CCDC85C: variants seen among roughly 807,000 people sequenced by gnomAD.
The protein encoded by CCDC85C is coiled-coil domain-containing protein 85C.
Under a neutral mutation model 38.3 loss-of-function variants are expected in CCDC85C, and 18 were observed. The observed-to-expected ratio is 0.47, with a 90% CI of 0.33 to 0.70. The LOEUF (loss-of-function observed/expected upper bound fraction) is 0.70. Among genes scored for constraint, CCDC85C ranks in the 30% least tolerant of loss-of-function variants. CCDC85C has a pLI of 0.03. For synonymous variants in CCDC85C, 264 were observed against 293.8 expected (o/e 0.90, Z 1.04); for missense variants, 566 against 621.2 (o/e 0.91, Z 0.94).
chr14:99,547,296 T>C (rs1355420329), intron 1 of CCDC85C, among the ~76,000 whole-genome samples: 2 of 152,216 alleles, frequency 1.3e-5, no homozygotes, highest in African/African-American at 2.4e-5. Flanking sequence ...TTTCCATTTA[T>C]ATAAAATCTC....
rs1897238443 is a variant in CCDC85C, at chr14:99,517,116, T to C, written c.1043A>G (p.Lys348Arg). Residue 348 changes from lysine to arginine, a missense_variant, in exon 4 of 6, where the codon AAG becomes AGG. Physicochemically the swap from Lys to Arg is conservative, Grantham distance 26. Transcript: ENST00000380243. ...CATGGCATGCACGACAGCCTCGGGC[T>C]TCTGTCCTGCAGGGCTGTAGCCAGC... is the stretch of plus-strand genomic sequence containing the variant. Reference protein sequence around the residue: ...PSAGYSPAGQKPEAVVHAMKV... With the variant: ...PSAGYSPAGQRPEAVVHAMKV... 2 of 1,550,486 alleles carry C rather than the reference T, an allele frequency of 1.3e-6. No individual in the cohort carries two copies. The highest frequency in any genetic ancestry group is 1.7e-6 in the Non-Finnish European group (2 of 1,146,920).
rs376815169 is a variant in CCDC85C, at chr14:99,504,451, AT to A, written c.*10794del. 1,135 of 136,880 alleles carry A rather than the reference AT, an allele frequency of 8.3e-3. 35 individuals are homozygous for A. Among genetic ancestry groups the A allele is most frequent in the Admixed American group, 0.058 (791 of 13,702 alleles). 8.5% of individuals were successfully genotyped at this position (136,880 alleles called of 1,614,324 possible). A position where few individuals can be genotyped will look rare whatever the true frequency, so the allele number is the denominator to read the frequency against. On this transcript the variant is annotated 3_prime_UTR_variant, in exon 6 of 6. Transcript: ENST00000380243. ...GGAATGATGAGTTCAGTACAGGTGA[AT>A]TTTTTTTTTTTTTTTGAGACAGAGT...
chr14:99,516,651 A>C lies in CCDC85C; in HGVS notation c.1072-365T>G, dbSNP rs1897230526. On this transcript the variant is annotated intron_variant, in intron 4 of 5. Coordinates refer to ENST00000380243, the MANE Select transcript of CCDC85C (RefSeq NM_001144995.2). The surrounding 1 kb of genome is among the most constrained non-coding windows in gnomAD (Gnocchi z 5.5). The stretch of plus-strand genomic sequence containing the variant: ...TGGCCGTGCATGCATGTGGGATGTC[A>C]TGGGGCACGTACGTAGGAGGAAGGG... Among the ~76,000 whole-genome samples, 1 of 152,020 alleles carries C rather than the reference A, an allele frequency of 6.6e-6. No homozygotes were observed. Among genetic ancestry groups the C allele is most frequent in the Admixed American group, 6.5e-5 (1 of 15,274 alleles).
Position 99,526,236 on chromosome 14 carries a change from C to T in CCDC85C, c.868-3996G>A, listed in dbSNP as rs181534007. Among the ~76,000 whole-genome samples, 20 of 152,258 alleles carry T rather than the reference C, an allele frequency of 1.3e-4. No homozygotes were observed. In the East Asian group the frequency reaches 1.7e-3, roughly 13 times the overall value. ...CCGCAGCTGAAGAGCTTGAAGGTGCCGTCTGCAGGGAGGGGCCTACATCCA... is the reference window on the plus strand; with the variant it reads ...CCGCAGCTGAAGAGCTTGAAGGTGCTGTCTGCAGGGAGGGGCCTACATCCA... On this transcript the variant is annotated intron_variant, in intron 2 of 5. Transcript: ENST00000380243.
chr14:99,531,579 T>TG (rs1897493320), intron 2 of CCDC85C, among the ~76,000 whole-genome samples: 1 of 28,248 alleles, frequency 3.5e-5, no homozygotes, highest in South Asian at 2.1e-3. Flanking sequence ...ATAGAGGCCA[T>TG]GGGTGGGGGG....
In CCDC85C at chr14:99,572,161, C is replaced by G. The variant is rs1898361940; in HGVS notation, c.793+31006G>C. ...TCCCAAGCCTGAGGGCTCAAATTCACAGGGTGGTGGTCCCTAGAAAGACCT... is the reference window on the plus strand; with the variant it reads ...TCCCAAGCCTGAGGGCTCAAATTCAGAGGGTGGTGGTCCCTAGAAAGACCT... On this transcript the variant is annotated intron_variant, in intron 1 of 5. Coordinates refer to ENST00000380243, the MANE Select transcript of CCDC85C (RefSeq NM_001144995.2). The surrounding 1 kb of genome is among the most constrained non-coding windows in gnomAD (Gnocchi z 4.4). Among the ~76,000 whole-genome samples the G allele has an allele frequency of 6.6e-6, 1 of 152,186 alleles. No individual in the cohort carries two copies. Among genetic ancestry groups the G allele is most frequent in the Admixed American group, 6.5e-5 (1 of 15,282 alleles).
intron 2 of CCDC85C, among the ~76,000 whole-genome samples, chr14:99,525,488 C>T (rs1056495342): frequency 2.0e-5 from 3 of 152,212 alleles, no homozygotes; most frequent in Admixed American, 6.5e-5. Context: ...AGGCAGGAAG[C>T]GCCTTTCTGG....
At position 99,572,634 on chromosome 14, in the gene CCDC85C, C is replaced by CT. The variant is rs1279384184; in HGVS notation, c.793+30532dup. 4 of 454,646 alleles carry CT rather than the reference C, an allele frequency of 8.8e-6. No individual in the cohort carries two copies. The highest frequency in any genetic ancestry group is 1.3e-5 in the Non-Finnish European group (3 of 225,942). 28.2% of individuals were successfully genotyped at this position (454,646 alleles called of 1,614,324 possible). On this transcript the variant is annotated intron_variant, in intron 1 of 5. Transcript: ENST00000380243. The surrounding 1 kb of genome is among the most constrained non-coding windows in gnomAD (Gnocchi z 4.4). ...GGAAACCTTCCAGGGACGACAGCTG[C>CT]TTATCATCCAAGCCCCAGGTGACCT...
At chr14:99,584,376 C>G (rs2055006022) in intron 1 of CCDC85C, among the ~76,000 whole-genome samples, 1 of 152,134 alleles carries the variant, frequency 6.6e-6, no homozygotes, top group Non-Finnish European at 1.5e-5. Flanking sequence ...GTCCAAGGAC[C>G]AGGTGAGATA....
At chr14:99,527,872 A>G (rs1443457101) in intron 2 of CCDC85C, among the ~76,000 whole-genome samples, 3 of 152,226 alleles carry the variant, frequency 2.0e-5, no homozygotes. Context: ...GATTAGCACC[A>G]GCCCTGCCGC....
intron 1 of CCDC85C, among the ~76,000 whole-genome samples, chr14:99,579,740 G>T (rs1026483293): frequency 6.6e-6 from 1 of 152,118 alleles, no homozygotes; most frequent in Non-Finnish European, 1.5e-5. Context: ...AGGGCAGCGG[G>T]GGAGAGGTCC....
chr14:99,601,617 G>A (rs996152208), intron 1 of CCDC85C, among the ~76,000 whole-genome samples: 3 of 152,112 alleles, frequency 2.0e-5, no homozygotes, highest in African/African-American at 7.2e-5. Context: ...CCAGATAACT[G>A]ACCCCTCAAA....
At chr14:99,601,298 C>T (rs1165725676) in intron 1 of CCDC85C, among the ~76,000 whole-genome samples, 1 of 152,180 alleles carries the variant, frequency 6.6e-6, no homozygotes, top group Admixed American at 6.5e-5. Flanking sequence ...CTGTGGGAAA[C>T]CCTATACTTC....
chr14:99,571,759 C>A (rs968046587), intron 1 of CCDC85C, among the ~76,000 whole-genome samples: 2 of 152,220 alleles, frequency 1.3e-5, no homozygotes, highest in Admixed American at 6.5e-5. Context: ...GGGCCTTTGC[C>A]AATGTAAATA....
At chr14:99,575,730 G>A (rs1898461359) in intron 1 of CCDC85C, among the ~76,000 whole-genome samples, 1 of 152,120 alleles carries the variant, frequency 6.6e-6, no homozygotes, top group Non-Finnish European at 1.5e-5. Flanking sequence ...GCTTCCACTG[G>A]CCTGCCCTGA....
intron 2 of CCDC85C, among the ~76,000 whole-genome samples, chr14:99,524,695 G>A (rs548431696): frequency 1.3e-5 from 2 of 152,348 alleles, no homozygotes; most frequent in African/African-American, 2.4e-5. Flanking sequence ...GAGACAGGTC[G>A]CTGCCTTTGC....
rs1228579683 is a variant in CCDC85C, at chr14:99,520,837, A to G, written c.975+1296T>C. Among the ~76,000 whole-genome samples the G allele has an allele frequency of 6.6e-6, 1 of 152,222 alleles. No homozygotes were observed. The highest frequency in any genetic ancestry group is 6.5e-5 in the Admixed American group (1 of 15,288). On this transcript the variant is annotated intron_variant, in intron 3 of 5. Coordinates refer to ENST00000380243, the MANE Select transcript of CCDC85C (RefSeq NM_001144995.2). The surrounding 1 kb of genome is among the most constrained non-coding windows in gnomAD (Gnocchi z 4.1). Reference sequence around the variant, plus strand: ...CTTCATGCACAGAGCAGTCTAGAGGAAAAAAGGAGGCAAGAGGAACAAACC... The same window carrying G: ...CTTCATGCACAGAGCAGTCTAGAGGGAAAAAGGAGGCAAGAGGAACAAACC...
At position 99,588,745 on chromosome 14, in the gene CCDC85C, C is replaced by A. The variant is rs1170273262; in HGVS notation, c.793+14422G>T. On this transcript the variant is annotated intron_variant, in intron 1 of 5. Transcript: ENST00000380243. This position sits in a 1 kb window ranked among gnomAD's most constrained non-coding sequence, Gnocchi z 5.0. ...ACCAGGCCACTGCAGGTCTTCAAAG[C>A]CCCAAGCAGCAGGAATACCCAAAAA... 2.0e-5 allele frequency among the ~76,000 whole-genome samples: 3 copies of A among 151,900 alleles called. No individual in the cohort carries two copies. Among genetic ancestry groups the A allele is most frequent in the South Asian group, 2.1e-4 (1 of 4,804 alleles).
Position 99,510,919 on chromosome 14 carries a change from G to A in CCDC85C, c.*4327C>T. On this transcript the variant is annotated 3_prime_UTR_variant, in exon 6 of 6. Coordinates refer to ENST00000380243, the MANE Select transcript of CCDC85C (RefSeq NM_001144995.2). ...TATGGGAAGAATGGACCGGGCCCCT[G>A]GGATAAAATCAGAGTGGTCCTCACA... is the stretch of plus-strand genomic sequence containing the variant. 1.3e-6 allele frequency: 1 copy of A among 774,784 alleles called. No homozygotes were observed. Among genetic ancestry groups the A allele is most frequent in the Non-Finnish European group, 1.8e-6 (1 of 557,070 alleles). The allele number at this position is 774,784 out of a possible 1,614,324, so 48.0% of individuals were successfully genotyped here.
Sources: allele counts gnomAD v4.1 joint callset (sites outside exome capture counted in the v4.1 genomes callset), GRCh38; gene constraint gnomAD v4.1.1; non-coding constraint Gnocchi (gnomAD v3.1); transcripts MANE v1.5; gene names NCBI Gene and HGNC (gene_info 2026-07-23, HGNC 2026-07-21).